The following CMIP variants were observed in gnomAD, a reference collection of about 807,000 sequenced individuals.
The protein encoded by CMIP is C-Maf-inducing protein.
Under a neutral mutation model 97.3 loss-of-function variants are expected in CMIP, and 13 were observed. The observed-to-expected ratio is 0.13, with a 90% CI of 0.09 to 0.21. CMIP has a LOEUF of 0.21. CMIP is among the 10% of genes least tolerant of loss of function. The pLI is 1.00. For missense variants in CMIP, 847 were observed against 1,024.9 expected, an observed-to-expected ratio of 0.83 and a Z score of 2.37; for synonymous variants, 538 against 436.3, an observed-to-expected ratio of 1.23 and a Z score of -2.91.
chr16:81,517,438 C>T (rs2089938567), intron 1 of CMIP, among the ~76,000 whole-genome samples: 1 of 152,216 alleles, frequency 6.6e-6, no homozygotes, highest in Non-Finnish European at 1.5e-5. Flanking sequence ...GTCTAAGACT[C>T]ATCACACAAA....
intron 1 of CMIP, among the ~76,000 whole-genome samples, chr16:81,474,298 C>G (rs932761194): frequency 2.0e-5 from 3 of 152,116 alleles, no homozygotes; most frequent in East Asian, 1.9e-4. Context: ...CCCTCCCTCC[C>G]TCTCTCCCTA....
chr16:81,651,373 G>T, intron 3 of CMIP: 1 of 964,792 alleles, frequency 1.0e-6, no homozygotes, highest in Non-Finnish European at 1.2e-6. Flanking sequence ...AATCCAGGGA[G>T]GCAGCAGCCC....
intron 10 of CMIP, among the ~76,000 whole-genome samples, chr16:81,683,793 G>A (rs1487667043): frequency 3.7e-5 from 4 of 107,134 alleles, no homozygotes; most frequent in Non-Finnish European, 6.8e-5. Context: ...ATGGAGTCAC[G>A]CTCTCTCACC....
rs1000921114 is a variant in CMIP, at chr16:81,632,956, A to G, written c.477+12030A>G. 2.6e-5 allele frequency among the ~76,000 whole-genome samples: 4 copies of G among 152,126 alleles called. No individual in the cohort carries two copies. The South Asian group carries it at 8.3e-4, about 32-fold the overall frequency. On this transcript the variant is annotated intron_variant, in intron 3 of 20. Coordinates refer to ENST00000537098, the MANE Select transcript of CMIP (RefSeq NM_198390.3). ...TGGCTTCCCAAACTGCGAAGGAAGA[A>G]GTGGCGTTTGTGGGTTGTCATCGTT...
intron 1 of CMIP, among the ~76,000 whole-genome samples, chr16:81,499,491 C>T (rs1157486978): frequency 3.9e-5 from 6 of 152,246 alleles, no homozygotes; most frequent in Non-Finnish European, 5.9e-5. Flanking sequence ...GCGATGACCT[C>T]TGAGTGGGAG....
At chr16:81,604,699 C>CAAACA (rs1157758531) in intron 1 of CMIP, among the ~76,000 whole-genome samples, 12 of 152,224 alleles carry the variant, frequency 7.9e-5, no homozygotes, top group East Asian at 1.9e-4. Context: ...GACTCCGTCT[C>CAAACA]AAACAAAACA....
intron 1 of CMIP, among the ~76,000 whole-genome samples, chr16:81,468,638 C>CG (rs1478065476): frequency 6.6e-6 from 1 of 152,238 alleles, no homozygotes; most frequent in African/African-American, 2.4e-5. Context: ...AGTGTGGAGA[C>CG]AACAGCATGG....
intron 1 of CMIP, among the ~76,000 whole-genome samples, chr16:81,514,477 C>T (rs78251917): frequency 0.042 from 6,339 of 152,286 alleles, 155 homozygotes; most frequent in Non-Finnish European, 0.058. Flanking sequence ...AGTCCATGAC[C>T]TTAGACAAGT....
chr16:81,546,070 G>A (rs181063534), intron 1 of CMIP, among the ~76,000 whole-genome samples: 3 of 152,294 alleles, frequency 2.0e-5, no homozygotes, highest in African/African-American at 4.8e-5. Flanking sequence ...GCCAGCAGTC[G>A]AGGATGAAAG....
Position 81,684,474 on chromosome 16 carries a change from G to A in CMIP, c.1388+5846G>A, listed in dbSNP as rs1905185619. On this transcript the variant is annotated intron_variant, in intron 10 of 20. Transcript: ENST00000537098. ...GGGAAAGCAGCGAGGCTGGCAGGAAGCGTCCTGTCCACAGGGCAGCACAGG... is the reference window on the plus strand; with the variant it reads ...GGGAAAGCAGCGAGGCTGGCAGGAAACGTCCTGTCCACAGGGCAGCACAGG... Among the ~76,000 whole-genome samples the A allele has an allele frequency of 2.0e-5, 3 of 152,352 alleles. No homozygotes were observed. In the Middle Eastern group the frequency reaches 0.01, roughly 518 times the overall value.
chr16:81,636,730 G>A (rs368450512), intron 3 of CMIP, among the ~76,000 whole-genome samples: 10 of 151,870 alleles, frequency 6.6e-5, no homozygotes, highest in African/African-American at 2.2e-4. Context: ...ATGCATGAAC[G>A]GCTTCCTGCA....
At chr16:81,696,704 G>A in intron 14 of CMIP, 37 bp downstream of exon 14, 1 of 1,579,340 alleles carries the variant, frequency 6.3e-7, no homozygotes, top group South Asian at 1.1e-5. Flanking sequence ...ACTTCCAGGG[G>A]TCCCTGGGCT....
chr16:81,473,681 G>A (rs1907699466), intron 1 of CMIP, among the ~76,000 whole-genome samples: 1 of 151,996 alleles, frequency 6.6e-6, no homozygotes, highest in East Asian at 1.9e-4. Flanking sequence ...CATGATTTTC[G>A]ACCCCTGTAG....
At chr16:81,607,494 C>A in intron 1 of CMIP, 73 bp from the exon 2 acceptor site, 1 of 1,573,046 alleles carries the variant, frequency 6.4e-7, no homozygotes. Flanking sequence ...GTTTCCAAAA[C>A]CGTCTGAGAT....
chr16:81,699,036 G>A (rs909725452), intron 14 of CMIP, among the ~76,000 whole-genome samples: 3 of 152,210 alleles, frequency 2.0e-5, no homozygotes, highest in African/African-American at 4.8e-5. Context: ...TGGACCACTT[G>A]AGTTCAGGAA....
chr16:81,661,141 CAA>C (rs1244181006), intron 6 of CMIP, among the ~76,000 whole-genome samples, 195 bp downstream of exon 6: 1 of 152,242 alleles, frequency 6.6e-6, no homozygotes, highest in African/African-American at 2.4e-5. Flanking sequence ...AGACAGGTGA[CAA>C]AGAGTCACAA....
intron 7 of CMIP, among the ~76,000 whole-genome samples, chr16:81,667,799 A>AGAGAGAGAGAGT: frequency 1.5e-3 from 89 of 58,118 alleles, no homozygotes; most frequent in Non-Finnish European, 2.0e-3. Context: ...AGAGAGAGAG[A>AGAGAGAGAGAGT]GTGTGTGTGT....
At chr16:81,608,802 A>G (rs4888158) in intron 2 of CMIP, among the ~76,000 whole-genome samples, 71,170 of 152,070 alleles carry the variant, frequency 0.47, 17,636 homozygotes, top group Middle Eastern at 0.6. Flanking sequence ...TCTAGAGAAA[A>G]TTTACTCTCT....
intron 10 of CMIP, among the ~76,000 whole-genome samples, chr16:81,682,688 C>T (rs545388007): frequency 2.1e-4 from 32 of 152,302 alleles, no homozygotes; most frequent in Middle Eastern, 3.4e-3. Flanking sequence ...CAGTGCAGGT[C>T]GCAGGGTGCA....
Sources: allele counts gnomAD v4.1 joint callset (sites outside exome capture counted in the v4.1 genomes callset), GRCh38; gene constraint gnomAD v4.1.1; transcripts MANE v1.5; gene names NCBI Gene and HGNC (gene_info 2026-07-23, HGNC 2026-07-21).